LUZP2: variants seen among roughly 807,000 people sequenced by gnomAD.
The protein encoded by LUZP2 is leucine zipper protein 2.
Under a neutral mutation model 51.6 loss-of-function variants are expected in LUZP2, and 52 were observed. The ratio of observed to expected loss-of-function variants is 1.01; its 90% CI spans 0.81 to 1.27. The LOEUF is 1.27. LUZP2 is among the 50% of genes most tolerant of loss of function. The pLI, the probability that LUZP2 is intolerant of heterozygous loss-of-function variation, is 0.00. For synonymous variants in LUZP2, 154 were observed against 137.3 expected (o/e 1.12, Z -0.85); for missense variants, 436 against 395.4 (o/e 1.10, Z -0.87).
intron 9 of LUZP2, among the ~76,000 whole-genome samples, chr11:24,993,934 C>G (rs1856424149): frequency 6.6e-6 from 1 of 152,150 alleles, no homozygotes. Flanking sequence ...AAACTTGGCT[C>G]ACTGCAGCCT....
intron 1 of LUZP2, among the ~76,000 whole-genome samples, chr11:24,568,501 T>C (rs1006087831): frequency 2.0e-5 from 3 of 151,820 alleles, no homozygotes; most frequent in Admixed American, 1.3e-4. Flanking sequence ...ATGAAAAACA[T>C]GTATGCATCT....
intron 1 of LUZP2, among the ~76,000 whole-genome samples, chr11:24,543,019 TA>T (rs1851428691): frequency 6.6e-6 from 1 of 151,508 alleles, no homozygotes; most frequent in South Asian, 2.1e-4. Flanking sequence ...TTAAAATAAA[TA>T]AAAGAAGGAA....
rs544186043 is a variant in LUZP2 at position 25,036,443 on chromosome 11, T to A, written c.766-13595T>A. ...CCAACTCGGTTTCATTGATCTCTTA[T>A]ATGGATTGTTGCATTTGAATTTCAT... On this transcript the variant is annotated intron_variant, in intron 9 of 11. Transcript: ENST00000336930. Among the ~76,000 whole-genome samples the A allele has an allele frequency of 6.6e-5, 10 of 152,190 alleles. No individual in the cohort carries two copies. In the South Asian group the frequency reaches 2.1e-3, roughly 32 times the overall value.
At chr11:24,660,209 T>C (rs1357374287) in intron 1 of LUZP2, among the ~76,000 whole-genome samples, 4 of 152,218 alleles carry the variant, frequency 2.6e-5, no homozygotes, top group Middle Eastern at 3.4e-3. Flanking sequence ...CTTGTAAACA[T>C]AGGACCCAGT....
rs147916171 is a variant in LUZP2 at position 24,997,505 on chromosome 11, G to C, written c.765+14212G>C. Among the ~76,000 whole-genome samples, 1,232 of 152,260 alleles carry C rather than the reference G, an allele frequency of 8.1e-3. 34 individuals are homozygous for C. The East Asian group carries it at 0.099, about 12-fold the overall frequency. On this transcript the variant is annotated intron_variant, in intron 9 of 11. Transcript: ENST00000336930. ...TGTAAATTTGTTTGAGTTCATTGTA[G>C]GTTCTAGATATTAGCCCTTTGTCAG...
At chr11:24,652,492 C>T (rs1855658744) in intron 1 of LUZP2, among the ~76,000 whole-genome samples, 1 of 151,924 alleles carries the variant, frequency 6.6e-6, no homozygotes, top group African/African-American at 2.4e-5. Context: ...TGCAGGAAAA[C>T]AGTGAGAAAA....
chr11:24,733,102 C>T (rs1858776140), intron 3 of LUZP2, among the ~76,000 whole-genome samples: 1 of 151,722 alleles, frequency 6.6e-6, no homozygotes, highest in South Asian at 2.1e-4. Context: ...CCTCCATTGA[C>T]CTTGGTTCTA....
intron 1 of LUZP2, among the ~76,000 whole-genome samples, chr11:24,685,456 G>A (rs766836321): frequency 1.3e-4 from 19 of 151,960 alleles, no homozygotes; most frequent in African/African-American, 1.9e-4. Flanking sequence ...AAATGTTAGC[G>A]TGACCCTGCA....
intron 7 of LUZP2, among the ~76,000 whole-genome samples, chr11:24,918,009 G>C (rs10834546): frequency 2.6e-5 from 4 of 151,536 alleles, no homozygotes; most frequent in Admixed American, 6.6e-5. Context: ...CTTTTATTTC[G>C]TTGAGCAGTG....
intron 5 of LUZP2, among the ~76,000 whole-genome samples, chr11:24,857,236 C>T (rs944694874): frequency 2.7e-5 from 4 of 149,026 alleles, no homozygotes; most frequent in African/African-American, 9.8e-5. Flanking sequence ...CCATGTATCC[C>T]CACTCCCCTA....
intron 1 of LUZP2, among the ~76,000 whole-genome samples, chr11:24,711,477 A>ATAAATAAG (rs1169324723): frequency 6.6e-5 from 10 of 151,400 alleles, no homozygotes; most frequent in Non-Finnish European, 1.3e-4. Context: ...AAATAAATAA[A>ATAAATAAG]TAAATAAATA....
chr11:24,655,207 A>G (rs780976521), intron 1 of LUZP2, among the ~76,000 whole-genome samples: 1 of 152,192 alleles, frequency 6.6e-6, no homozygotes, highest in Non-Finnish European at 1.5e-5. Flanking sequence ...GTGCCAACAG[A>G]GACTTTTGTT....
At chr11:24,686,028 C>T (rs533947534) in intron 1 of LUZP2, among the ~76,000 whole-genome samples, 1 of 152,162 alleles carries the variant, frequency 6.6e-6, no homozygotes. Context: ...GTAATCATTC[C>T]TCTCAAATTT....
chr11:24,874,565 A>G (rs1289642168), intron 5 of LUZP2, among the ~76,000 whole-genome samples: 1 of 152,150 alleles, frequency 6.6e-6, no homozygotes, highest in Non-Finnish European at 1.5e-5. Flanking sequence ...ACTTGACTGC[A>G]GCACAGCCAT....
chr11:24,923,514 C>T (rs1032456316), intron 7 of LUZP2, among the ~76,000 whole-genome samples: 50 of 152,036 alleles, frequency 3.3e-4, no homozygotes, highest in African/African-American at 1.2e-3. Context: ...CTGGTCAACA[C>T]GGTGAAACAT....
intron 1 of LUZP2, among the ~76,000 whole-genome samples, chr11:24,623,702 C>T (rs1477864518): frequency 2.6e-5 from 4 of 152,042 alleles, no homozygotes. Context: ...AAAAAATTAG[C>T]CAGGAGTGGT....
intron 9 of LUZP2, among the ~76,000 whole-genome samples, chr11:25,026,015 C>T (rs754282171): frequency 2.0e-5 from 3 of 151,994 alleles, no homozygotes; most frequent in Non-Finnish European, 2.9e-5. Context: ...AGCTGGAAGC[C>T]GTCATTCTGA....
At chr11:24,755,494 C>G (rs564121648) in intron 4 of LUZP2, among the ~76,000 whole-genome samples, 68 of 152,234 alleles carry the variant, frequency 4.5e-4, no homozygotes, top group Non-Finnish European at 8.4e-4. Context: ...TCTATTTTAG[C>G]TATTATAGAT....
intron 9 of LUZP2, among the ~76,000 whole-genome samples, chr11:25,026,721 A>T (rs1857503447): frequency 6.6e-6 from 1 of 152,092 alleles, no homozygotes; most frequent in Non-Finnish European, 1.5e-5. Context: ...CAGTGTACAC[A>T]GTGAACTTAT....
Sources: gnomAD v4.1 joint callset for allele counts (sites outside exome capture counted in the v4.1 genomes callset) on GRCh38, gnomAD v4.1.1 for gene constraint, MANE v1.5 for transcripts, NCBI Gene and HGNC (gene_info 2026-07-23, HGNC 2026-07-21) for gene names.